Variants in VWC2 observed in about 807,000 individuals in gnomAD.
The protein encoded by VWC2 is brorin.
In VWC2, 14 loss-of-function variants were observed where a neutral mutation model predicts 29.8. The ratio of observed to expected loss-of-function variants is 0.47; its 90% CI spans 0.31 to 0.74. The LOEUF is 0.74. Ranked by LOEUF, VWC2 falls within the 30% of genes least tolerant of loss-of-function variation. The probability of loss-of-function intolerance (pLI) is 0.05; values close to 1 mark genes in which losing one functional copy is unlikely to be tolerated. For missense variants in VWC2, 457 were observed against 459.8 expected, an observed-to-expected ratio of 0.99 and a Z score of 0.05; for synonymous variants, 213 against 199.0, an observed-to-expected ratio of 1.07 and a Z score of -0.59.
intron 3 of VWC2, among the ~76,000 whole-genome samples, chr7:49,865,746 T>C (rs1393542264): frequency 1.3e-5 from 2 of 152,204 alleles, no homozygotes; most frequent in Non-Finnish European, 1.5e-5. Context: ...AGGTCTATTA[T>C]GGTAACAAGC....
At chr7:49,884,129 C>T (rs930492075) in intron 3 of VWC2, among the ~76,000 whole-genome samples, 1 of 152,194 alleles carries the variant, frequency 6.6e-6, no homozygotes, top group African/African-American at 2.4e-5. Context: ...GGGGTTCCTG[C>T]AGTGGCCCCT....
intron 3 of VWC2, among the ~76,000 whole-genome samples, chr7:49,881,363 A>G (rs1043981247): frequency 2.0e-5 from 3 of 152,182 alleles, no homozygotes; most frequent in African/African-American, 7.2e-5. Context: ...AATTCAAAAA[A>G]ACAGCACTGA....
chr7:49,814,806 C>T (rs1431913611), intron 3 of VWC2, among the ~76,000 whole-genome samples: 1 of 151,294 alleles, frequency 6.6e-6, no homozygotes, highest in East Asian at 1.9e-4. Flanking sequence ...TGTTGAGGAC[C>T]AGCCCTGGCG....
chr7:49,831,453 ATAT>A (rs1255044903), intron 3 of VWC2, among the ~76,000 whole-genome samples: 2 of 152,230 alleles, frequency 1.3e-5, no homozygotes, highest in Admixed American at 1.3e-4. Flanking sequence ...CAGGGGAGAA[ATAT>A]TATGATACTT....
At chr7:49,787,980 G>T (rs1788338057) in intron 2 of VWC2, among the ~76,000 whole-genome samples, 1 of 152,192 alleles carries the variant, frequency 6.6e-6, no homozygotes, top group Non-Finnish European at 1.5e-5. Flanking sequence ...CCCTTTCTGT[G>T]TGAGTGAGCA....
intron 3 of VWC2, among the ~76,000 whole-genome samples, chr7:49,880,660 C>T (rs1452921903): frequency 2.0e-5 from 3 of 151,686 alleles, no homozygotes; most frequent in Non-Finnish European, 4.4e-5. Flanking sequence ...GGGTGGGGAA[C>T]ATCACACACC....
At chr7:49,815,744 C>T (rs1789127076) in intron 3 of VWC2, among the ~76,000 whole-genome samples, 1 of 152,098 alleles carries the variant, frequency 6.6e-6, no homozygotes, top group African/African-American at 2.4e-5. Flanking sequence ...TTCTCTGTAT[C>T]CTTTTGGGTA....
At chr7:49,832,039 T>C (rs1583657676) in intron 3 of VWC2, among the ~76,000 whole-genome samples, 1 of 152,154 alleles carries the variant, frequency 6.6e-6, no homozygotes, top group Non-Finnish European at 1.5e-5. Context: ...GAGGGGTCCC[T>C]GGAGGAAGGT....
At chr7:49,851,141 C>T (rs1406428842) in intron 3 of VWC2, among the ~76,000 whole-genome samples, 1 of 152,178 alleles carries the variant, frequency 6.6e-6, no homozygotes. Flanking sequence ...CCTGGGCTTC[C>T]TGGGTTTTAG....
intron 2 of VWC2, among the ~76,000 whole-genome samples, chr7:49,798,941 G>A (rs1001761166): frequency 5.9e-5 from 9 of 152,208 alleles, no homozygotes; most frequent in African/African-American, 1.7e-4. Flanking sequence ...AGGAGGCCAC[G>A]TTTGAGCTGG....
chr7:49,887,376 T>C (rs931641059), intron 3 of VWC2, among the ~76,000 whole-genome samples: 2 of 152,254 alleles, frequency 1.3e-5, no homozygotes, highest in African/African-American at 4.8e-5. Context: ...CACCATTTGC[T>C]AGTCATCAAG....
chr7:49,881,049 T>C (rs533391431), intron 3 of VWC2, among the ~76,000 whole-genome samples: 1 of 152,300 alleles, frequency 6.6e-6, no homozygotes, highest in East Asian at 1.9e-4. Flanking sequence ...CCTTGGTCCA[T>C]TCTCTGTTGG....
At chr7:49,889,638 C>A (rs1488541847) in intron 3 of VWC2, among the ~76,000 whole-genome samples, 2 of 152,190 alleles carry the variant, frequency 1.3e-5, no homozygotes, top group African/African-American at 4.8e-5. Flanking sequence ...TCCATGCAGA[C>A]CCTTTTTGCT....
chr7:49,904,046 G>T (rs1018609597), intron 3 of VWC2, among the ~76,000 whole-genome samples: 17 of 152,126 alleles, frequency 1.1e-4, no homozygotes, highest in African/African-American at 4.1e-4. Context: ...CCCCTTGGTG[G>T]TTGCCATCTT....
intron 3 of VWC2, among the ~76,000 whole-genome samples, chr7:49,874,156 G>A (rs770343398): frequency 1.3e-5 from 2 of 151,924 alleles, no homozygotes; most frequent in South Asian, 4.1e-4. Context: ...TTTTGAAAAA[G>A]TGAAACTATA....
intron 3 of VWC2, among the ~76,000 whole-genome samples, chr7:49,813,672 G>A (rs1300976440): frequency 2.0e-5 from 3 of 152,134 alleles, no homozygotes; most frequent in African/African-American, 7.2e-5. Flanking sequence ...GGATTTTAGG[G>A]TTTATGGAAA....
intron 3 of VWC2, among the ~76,000 whole-genome samples, chr7:49,821,173 A>G (rs1043509090): frequency 3.3e-5 from 5 of 152,210 alleles, no homozygotes; most frequent in Non-Finnish European, 4.4e-5. Context: ...CCAACTTTTA[A>G]TATTGATTTT....
rs1237264835 is a variant in VWC2 at position 49,877,474 on chromosome 7, A to AAAAT, written c.827-34557_827-34556insTAAA. Among the ~76,000 whole-genome samples, 5 of 46,302 alleles carry AAAAT rather than the reference A, an allele frequency of 1.1e-4. 1 individual carries two copies. The highest frequency in any genetic ancestry group is 1.5e-4 in the Non-Finnish European group (4 of 26,474). The allele number at this position is 46,302 out of a possible 152,430, so 30.4% of individuals were successfully genotyped here. The stretch of plus-strand genomic sequence containing the variant: ...AGAAACTCTGTCTCAAAAAAAAAAA[A>AAAAT]AAAAAAAATATATATATATATATAT... On this transcript the variant is annotated intron_variant, in intron 3 of 3. Transcript: ENST00000340652.
At chr7:49,856,442 A>G (rs988166292) in intron 3 of VWC2, among the ~76,000 whole-genome samples, 1 of 152,190 alleles carries the variant, frequency 6.6e-6, no homozygotes, top group Non-Finnish European at 1.5e-5. Context: ...TGTTGGCCCC[A>G]TGCTTCTTGT....
Sources: gnomAD v4.1 joint callset for allele counts (sites outside exome capture counted in the v4.1 genomes callset) on GRCh38, gnomAD v4.1.1 for gene constraint, MANE v1.5 for transcripts, NCBI Gene and HGNC (gene_info 2026-07-23, HGNC 2026-07-21) for gene names.